The following L3MBTL4 variants were observed in gnomAD, a reference collection of about 807,000 sequenced individuals.
L3MBTL4 encodes lethal(3)malignant brain tumor-like protein 4.
A neutral mutation model predicts 84.5 loss-of-function variants in L3MBTL4; 70 were observed. The observed-to-expected ratio is 0.83, with a 90% confidence interval of 0.68 to 1.01. L3MBTL4 has a LOEUF of 1.01. Ranked by LOEUF, L3MBTL4 falls within the 50% of genes least tolerant of loss-of-function variation. The pLI is 0.00. For missense variants in L3MBTL4, 715 were observed against 754.8 expected, an observed-to-expected ratio of 0.95 and a Z score of 0.62; for synonymous variants, 274 against 259.8, an observed-to-expected ratio of 1.05 and a Z score of -0.52.
At chr18:6,395,868 T>C (rs2055249388) in intron 1 of L3MBTL4, 1 of 152,210 alleles carries the variant, frequency 6.6e-6, no homozygotes, top group Non-Finnish European at 1.5e-5. Context: ...AAATGATTCT[T>C]TCCCAATGTC....
chr18:6,015,696 C>T (rs1457298421), intron 16 of L3MBTL4, among the ~76,000 whole-genome samples: 4 of 152,146 alleles, frequency 2.6e-5, no homozygotes, highest in African/African-American at 7.2e-5. Context: ...CGGTGGCTCA[C>T]GCCTGTAACC....
At chr18:6,146,057 C>G (rs1420620982) in intron 13 of L3MBTL4, among the ~76,000 whole-genome samples, 1 of 152,206 alleles carries the variant, frequency 6.6e-6, no homozygotes, top group African/African-American at 2.4e-5. Context: ...GCACGGGACA[C>G]GCTGGGACAA....
At chr18:6,025,440 G>T (rs980674976) in intron 16 of L3MBTL4, among the ~76,000 whole-genome samples, 5 of 152,158 alleles carry the variant, frequency 3.3e-5, no homozygotes, top group Admixed American at 6.5e-5. Context: ...ACATGCCTAC[G>T]CCTTTTCATG....
intron 1 of L3MBTL4, among the ~76,000 whole-genome samples, chr18:6,358,279 T>G (rs2053533183): frequency 6.6e-6 from 1 of 152,094 alleles, no homozygotes; most frequent in Non-Finnish European, 1.5e-5. Flanking sequence ...TGGACGCAAA[T>G]TAATCCAACC....
chr18:6,235,819 G>A (rs2146049598), intron 10 of L3MBTL4, among the ~76,000 whole-genome samples: 1 of 152,282 alleles, frequency 6.6e-6, no homozygotes, highest in South Asian at 2.1e-4. Context: ...CTTTAAAATG[G>A]TTAACTGTAT....
At chr18:6,072,412 TATAAAA>T (rs1473683274) in intron 16 of L3MBTL4, among the ~76,000 whole-genome samples, 1 of 151,950 alleles carries the variant, frequency 6.6e-6, no homozygotes, top group South Asian at 2.1e-4. Context: ...TCATACCACA[TATAAAA>T]GAAAAACAAT....
At chr18:6,124,260 A>G (rs1052283959) in intron 14 of L3MBTL4, among the ~76,000 whole-genome samples, 1 of 152,154 alleles carries the variant, frequency 6.6e-6, no homozygotes. Context: ...TTCTAGAGAG[A>G]ATATATCTGG....
chr18:6,405,446 C>A (rs1455124757), intron 1 of L3MBTL4, among the ~76,000 whole-genome samples: 1 of 152,248 alleles, frequency 6.6e-6, no homozygotes, highest in African/African-American at 2.4e-5. Context: ...TGGTGCAGAA[C>A]AATAGTGCCT....
At chr18:5,981,970 T>C (rs2053241932) in intron 16 of L3MBTL4, among the ~76,000 whole-genome samples, 1 of 86,760 alleles carries the variant, frequency 1.2e-5, no homozygotes, top group African/African-American at 7.2e-5. Context: ...AAGGTTTCAA[T>C]ATTCTGTGTG....
chr18:6,295,536 G>A (rs533592284), intron 4 of L3MBTL4, among the ~76,000 whole-genome samples: 3 of 151,888 alleles, frequency 2.0e-5, no homozygotes, highest in South Asian at 2.1e-4. Flanking sequence ...AGAATCCTAC[G>A]GAGGGGGGCC....
intron 12 of L3MBTL4, among the ~76,000 whole-genome samples, chr18:6,204,366 G>A (rs1271939670): frequency 1.3e-5 from 2 of 152,288 alleles, no homozygotes; most frequent in South Asian, 2.1e-4. Flanking sequence ...TACTGCTTGG[G>A]CTGGGGCCCC....
At chr18:6,058,472 T>C (rs770782168) in intron 16 of L3MBTL4, among the ~76,000 whole-genome samples, 7 of 152,088 alleles carry the variant, frequency 4.6e-5, no homozygotes, top group Non-Finnish European at 1.0e-4. Flanking sequence ...CAGGGAAGTT[T>C]TTGTTTGTTT....
rs1183381490 is a variant in L3MBTL4 at position 6,282,059 on chromosome 18, G to A, written c.128-18021C>T. On this transcript the variant is annotated intron_variant, in intron 4 of 18. Coordinates refer to ENST00000317931, the MANE Select transcript of L3MBTL4 (RefSeq NM_001330559.2). The stretch of plus-strand genomic sequence containing the variant: ...AAGTCCTTTTATTAACTATGGGATA[G>A]CGTCCAACCAGCTGAGCACAGCAAA... Among the ~76,000 whole-genome samples the A allele has an allele frequency of 4.6e-5, 7 of 152,268 alleles. No homozygotes were observed. In the East Asian group the frequency reaches 1.4e-3, roughly 29 times the overall value.
intron 12 of L3MBTL4, among the ~76,000 whole-genome samples, chr18:6,182,205 G>A (rs1168275913): frequency 6.6e-6 from 1 of 152,176 alleles, no homozygotes; most frequent in African/African-American, 2.4e-5. Context: ...ACTGGTGTGA[G>A]ATGGTCTCTC....
At chr18:6,091,901 T>C (rs1218468337) in intron 15 of L3MBTL4, among the ~76,000 whole-genome samples, 2 of 152,096 alleles carry the variant, frequency 1.3e-5, no homozygotes, top group East Asian at 3.9e-4. Context: ...CTGGAATAAA[T>C]AAGCACTGTT....
At chr18:6,289,047 A>G (rs946608644) in intron 4 of L3MBTL4, among the ~76,000 whole-genome samples, 4 of 152,042 alleles carry the variant, frequency 2.6e-5, no homozygotes, top group African/African-American at 9.6e-5. Flanking sequence ...TATGAGAAAG[A>G]ATCTTATATA....
intron 10 of L3MBTL4, among the ~76,000 whole-genome samples, chr18:6,219,109 C>T (rs983280505): frequency 6.6e-6 from 1 of 152,136 alleles, no homozygotes; most frequent in Admixed American, 6.5e-5. Context: ...CTTTTATCTA[C>T]ATTTTTTAGG....
rs552865642 is a variant in L3MBTL4 at position 6,101,304 on chromosome 18, C to T, written c.1200-7776G>A. Reference sequence around the variant, plus strand: ...GGTCTCCAGGTCCCCAGCTGGTCTGCGTCCTTCTCTCCACCTTTCAAAGTC... The same window carrying T: ...GGTCTCCAGGTCCCCAGCTGGTCTGTGTCCTTCTCTCCACCTTTCAAAGTC... On this transcript the variant is annotated intron_variant, in intron 14 of 18. Transcript: ENST00000317931. Among the ~76,000 whole-genome samples the T allele has an allele frequency of 5.3e-5, 8 of 152,276 alleles. No homozygotes were observed. In the East Asian group the frequency reaches 1.4e-3, roughly 26 times the overall value.
intron 3 of L3MBTL4, among the ~76,000 whole-genome samples, chr18:6,311,198 C>G (rs954859724): frequency 3.9e-5 from 6 of 152,010 alleles, no homozygotes; most frequent in Non-Finnish European, 8.8e-5. Flanking sequence ...ACAAAAATAT[C>G]ACACACATAT....
Sources: allele counts gnomAD v4.1 joint callset (sites outside exome capture counted in the v4.1 genomes callset), GRCh38; gene constraint gnomAD v4.1.1; transcripts MANE v1.5; gene names NCBI Gene and HGNC (gene_info 2026-07-23, HGNC 2026-07-21).